Variants in SGCZ observed in about 807,000 individuals in gnomAD.
SGCZ encodes sarcoglycan zeta.
A neutral mutation model predicts 41.3 loss-of-function variants in SGCZ; 40 were observed. The observed-to-expected ratio is 0.97, with a 90% CI of 0.75 to 1.26. SGCZ has a LOEUF of 1.26. Among genes scored for constraint, SGCZ ranks in the 50% most tolerant of loss-of-function variants. SGCZ has a pLI of 0.00. For missense variants in SGCZ, 552 were observed against 369.8 expected (o/e 1.49, Z -4.04); for synonymous variants, 206 against 137.5 (o/e 1.50, Z -3.49).
rs948985589 is a variant in SGCZ at position 14,517,050 on chromosome 8, C to A, written c.234+37682G>T. Among the ~76,000 whole-genome samples the A allele has an allele frequency of 2.6e-5, 4 of 151,900 alleles. 1 individual carries two copies. Among genetic ancestry groups the A allele is most frequent in the African/African-American group, 9.7e-5 (4 of 41,388 alleles). ...GCACAGTGATTCTCCCCCTATGACT[C>A]GTAAATTTTCAATAAGTCTTCGTAA... is the stretch of plus-strand genomic sequence containing the variant. On this transcript the variant is annotated intron_variant, in intron 2 of 7. Transcript: ENST00000382080.
chr8:14,204,601 G>C (rs1188423740), intron 4 of SGCZ, among the ~76,000 whole-genome samples: 1 of 152,130 alleles, frequency 6.6e-6, no homozygotes, highest in Non-Finnish European at 1.5e-5. Flanking sequence ...TGTTTCAGAG[G>C]AGATTGTGTA....
At chr8:14,401,461 C>T (rs1799073444) in intron 2 of SGCZ, among the ~76,000 whole-genome samples, 1 of 123,180 alleles carries the variant, frequency 8.1e-6, no homozygotes, top group Admixed American at 9.8e-5. Context: ...CAACAGTCCT[C>T]AGAGTGTGAT....
intron 3 of SGCZ, among the ~76,000 whole-genome samples, chr8:14,301,686 A>G (rs1481818777): frequency 6.6e-6 from 1 of 152,124 alleles, no homozygotes; most frequent in African/African-American, 2.4e-5. Flanking sequence ...GCCCAAACCC[A>G]TTTGACAAAA....
intron 3 of SGCZ, among the ~76,000 whole-genome samples, chr8:14,314,065 A>T (rs1801635244): frequency 6.6e-6 from 1 of 152,088 alleles, no homozygotes; most frequent in East Asian, 1.9e-4. Flanking sequence ...AGGCTTCAGT[A>T]GTGTCTGAGA....
chr8:14,564,542 G>T (rs1804301038), intron 1 of SGCZ, among the ~76,000 whole-genome samples: 1 of 152,092 alleles, frequency 6.6e-6, no homozygotes, highest in Non-Finnish European at 1.5e-5. Flanking sequence ...TCTGGGAGTA[G>T]AAAAGGAGGA....
chr8:14,608,504 A>T (rs193277574), intron 1 of SGCZ, among the ~76,000 whole-genome samples: 201 of 152,074 alleles, frequency 1.3e-3, no homozygotes, highest in African/African-American at 4.7e-3. Flanking sequence ...AGAGGAGGAG[A>T]TGCCAAGCTC....
intron 3 of SGCZ, among the ~76,000 whole-genome samples, chr8:14,259,528 T>A (rs1203078765): frequency 6.8e-6 from 1 of 147,074 alleles, no homozygotes; most frequent in Non-Finnish European, 1.5e-5. Context: ...TTTCTACATA[T>A]GGCTAGCCAG....
At chr8:14,640,816 T>C (rs189466600) in intron 1 of SGCZ, among the ~76,000 whole-genome samples, 1 of 151,782 alleles carries the variant, frequency 6.6e-6, no homozygotes, top group Non-Finnish European at 1.5e-5. Flanking sequence ...TCATCTTTTC[T>C]GATAGCTGGA....
intron 2 of SGCZ, among the ~76,000 whole-genome samples, chr8:14,470,317 A>C (rs1044006851): frequency 1.3e-5 from 2 of 152,122 alleles, no homozygotes; most frequent in African/African-American, 4.8e-5. Flanking sequence ...CTCTTTTATA[A>C]TCTCCAGTGC....
chr8:14,848,553 C>T (rs936176881), intron 1 of SGCZ, among the ~76,000 whole-genome samples: 2 of 152,154 alleles, frequency 1.3e-5, no homozygotes, highest in African/African-American at 4.8e-5. Flanking sequence ...TAGACCCACA[C>T]ACGTATGGAA....
At chr8:15,061,133 G>T (rs1804908631) in intron 1 of SGCZ, among the ~76,000 whole-genome samples, 1 of 152,146 alleles carries the variant, frequency 6.6e-6, no homozygotes, top group Non-Finnish European at 1.5e-5. Flanking sequence ...TAATCTGAAT[G>T]TATCCCCCCA....
At chr8:14,397,808 T>A (rs189859051) in intron 2 of SGCZ, among the ~76,000 whole-genome samples, 124 of 152,190 alleles carry the variant, frequency 8.1e-4, no homozygotes, top group African/African-American at 3.0e-3. Context: ...TTAGGGTACA[T>A]CGAAGGTCTT....
At chr8:14,809,493 C>A (rs1053133950) in intron 1 of SGCZ, among the ~76,000 whole-genome samples, 2 of 152,128 alleles carry the variant, frequency 1.3e-5, no homozygotes, top group South Asian at 2.1e-4. Flanking sequence ...GCATAGAAAC[C>A]ACTTGGTATG....
chr8:14,310,753 C>T (rs887596521), intron 3 of SGCZ, among the ~76,000 whole-genome samples: 5 of 152,068 alleles, frequency 3.3e-5, no homozygotes, highest in African/African-American at 1.2e-4. Context: ...TATTGCAAGA[C>T]AGTCTCTGTA....
At chr8:14,233,090 A>G (rs1476602871) in intron 4 of SGCZ, among the ~76,000 whole-genome samples, 1 of 151,912 alleles carries the variant, frequency 6.6e-6, no homozygotes, top group Non-Finnish European at 1.5e-5. Flanking sequence ...GAACAAATAA[A>G]CAAACAAAAC....
At chr8:14,285,291 C>G (rs1303630364) in intron 3 of SGCZ, among the ~76,000 whole-genome samples, 1 of 152,064 alleles carries the variant, frequency 6.6e-6, no homozygotes, top group Non-Finnish European at 1.5e-5. Context: ...AAAACATTCC[C>G]AATTTCTTAA....
intron 1 of SGCZ, among the ~76,000 whole-genome samples, chr8:15,030,344 A>G (rs1803614945): frequency 6.6e-6 from 1 of 152,180 alleles, no homozygotes; most frequent in Non-Finnish European, 1.5e-5. Context: ...GGGAACAGTA[A>G]TAAAATTTAA....
intron 5 of SGCZ, among the ~76,000 whole-genome samples, chr8:14,122,246 G>C (rs938343525): frequency 6.6e-6 from 1 of 152,016 alleles, no homozygotes; most frequent in Non-Finnish European, 1.5e-5. Context: ...CACTGCACTC[G>C]GCAGCCTGGG....
Position 14,403,536 on chromosome 8 carries a change from A to G in SGCZ, c.235-79332T>C, listed in dbSNP as rs180836103. Among the ~76,000 whole-genome samples, 213 of 152,138 alleles carry G rather than the reference A, an allele frequency of 1.4e-3. 1 individual carries two copies. The highest frequency in any genetic ancestry group is 2.5e-3 in the Non-Finnish European group (170 of 68,018). Reference sequence around the variant, plus strand: ...TTTGTCAAAGGCCTTTTCTGCATCTATTGAGATAACCATGTGGTTTTTGTC... The same window carrying G: ...TTTGTCAAAGGCCTTTTCTGCATCTGTTGAGATAACCATGTGGTTTTTGTC... On this transcript the variant is annotated intron_variant, in intron 2 of 7. Coordinates refer to ENST00000382080, the MANE Select transcript of SGCZ (RefSeq NM_139167.4).
Sources: gnomAD v4.1 joint callset for allele counts (sites outside exome capture counted in the v4.1 genomes callset) on GRCh38, gnomAD v4.1.1 for gene constraint, MANE v1.5 for transcripts, NCBI Gene and HGNC (gene_info 2026-07-23, HGNC 2026-07-21) for gene names.